FAS: variants seen among roughly 807,000 people sequenced by gnomAD.
The protein encoded by FAS is tumor necrosis factor receptor superfamily member 6.
In FAS, 5 loss-of-function variants were observed where a neutral mutation model predicts 33.2. The observed-to-expected ratio is 0.15, with a 90% CI of 0.08 to 0.32. The LOEUF (loss-of-function observed/expected upper bound fraction) is 0.32. Ranked by LOEUF, FAS falls within the 10% of genes least tolerant of loss-of-function variation. The pLI, the probability that FAS is intolerant of heterozygous loss-of-function variation, is 1.00. For synonymous variants in FAS, 131 were observed against 130.7 expected (o/e 1.00, Z -0.01); for missense variants, 339 against 386.0 (o/e 0.88, Z 1.02).
intron 1 of FAS, among the ~76,000 whole-genome samples, chr10:88,972,456 A>G (rs953457234): frequency 3.3e-5 from 5 of 152,124 alleles, no homozygotes; most frequent in African/African-American, 1.2e-4. Flanking sequence ...TATTTGATAC[A>G]GTTCGATTTA....
chr10:89,002,757 G>A (rs2133468292), intron 1 of FAS: 1 of 448,326 alleles, frequency 2.2e-6, no homozygotes, highest in East Asian at 4.3e-5. Context: ...ACAAACACAG[G>A]GCAGTAAGTG....
chr10:89,002,700 TTATAGA>T (rs1440852713), intron 1 of FAS: 6 of 358,112 alleles, frequency 1.7e-5, no homozygotes, highest in Non-Finnish European at 2.7e-5. Context: ...TTATTTCCAC[TTATAGA>T]TAAAGAAACT....
rs1848721403 is a variant in FAS at position 89,014,890 on chromosome 10, AT to A, written c.*442del. On this transcript the variant is annotated 3_prime_UTR_variant, in exon 9 of 9. Transcript: ENST00000652046. ...AACAGGCAGGCCACTTTGCCTCTAAATTACCTCTGATAATTCTAGAGATTTT... is the reference window on the plus strand; with the variant it reads ...AACAGGCAGGCCACTTTGCCTCTAAATACCTCTGATAATTCTAGAGATTTT... The A allele has an allele frequency of 5.6e-6, 3 of 535,970 alleles. No individual in the cohort carries two copies. Among genetic ancestry groups the A allele is most frequent in the Admixed American group, 4.4e-5 (2 of 45,060 alleles). 33.2% of individuals were successfully genotyped at this position (535,970 alleles called of 1,614,324 possible). A position where few individuals can be genotyped will look rare whatever the true frequency, so the allele number is the denominator to read the frequency against.
In FAS at chr10:89,013,377, T is replaced by C; in HGVS notation, c.676+10T>C. The C allele has an allele frequency of 6.2e-7, 1 of 1,611,506 alleles. No homozygotes were observed. Among genetic ancestry groups the C allele is most frequent in the Non-Finnish European group, 8.5e-7 (1 of 1,178,612 alleles). On this transcript the variant is annotated intron_variant, in intron 8 of 8. Transcript: ENST00000652046. ...GCAATAAATTTATCTGGTAAGGCTT[T>C]TATCATTTTATTTCATAGAGATGGC...
chr10:88,999,886 A>G (rs1847830415), intron 1 of FAS, among the ~76,000 whole-genome samples: 1 of 152,252 alleles, frequency 6.6e-6, no homozygotes, highest in Admixed American at 6.5e-5. Context: ...TTAAGAAAAA[A>G]TAAACCAAGA....
rs1450417581 is a variant in FAS at position 88,990,947 on chromosome 10, A to G, written c.30+41A>G. The G allele has an allele frequency of 1.2e-6, 2 of 1,613,966 alleles. No individual in the cohort carries two copies. The highest frequency in any genetic ancestry group is 1.7e-4 in the Middle Eastern group (1 of 6,058). On this transcript the variant is annotated intron_variant, in intron 1 of 8. Coordinates refer to ENST00000652046, the MANE Select transcript of FAS (RefSeq NM_000043.6). This position sits in a 1 kb window ranked among gnomAD's most constrained non-coding sequence, Gnocchi z 4.9. The stretch of plus-strand genomic sequence containing the variant: ...CCCGGGTGGAGGCTTACCCCGTCTT[A>G]GTCCCGGGGATAGGCAAAGTGGGGC...
chr10:88,987,101 AATT>A (rs2133366690), upstream of FAS, among the ~76,000 whole-genome samples: 1 of 152,342 alleles, frequency 6.6e-6, no homozygotes, highest in East Asian at 1.9e-4. Context: ...TGGTAGAAAT[AATT>A]ATTAATAGAC....
intron 1 of FAS, among the ~76,000 whole-genome samples, chr10:88,968,843 T>C (rs1846369873): frequency 2.0e-5 from 3 of 152,340 alleles, no homozygotes; most frequent in South Asian, 4.1e-4. Context: ...TATACCTTAT[T>C]CATCCCTTTT....
Position 89,013,358 on chromosome 10 carries a change from A to C in FAS, c.667A>C (p.Asn223His), listed in dbSNP as rs143318339. 1.9e-4 allele frequency: 311 copies of C among 1,612,028 alleles called. No individual in the cohort carries two copies. Among genetic ancestry groups the C allele is most frequent in the Non-Finnish European group, 2.4e-4 (282 of 1,179,020 alleles). The change falls in exon 8 of 9, where the codon AAT becomes CAT. Residue 223 changes from asparagine (N) to histidine (H), a missense_variant. Around this residue, in one of 3 missense-constraint regions of FAS, gnomAD observed 276 missense variants for 300.1 expected, o/e 0.92. Transcript: ENST00000652046. ...PTLNPETVAI[N>H]LSDVDLSKYI... Reference sequence around the variant, plus strand: ...TGCTTTCTAGGAAACAGTGGCAATAAATTTATCTGGTAAGGCTTTTATCAT... The same window carrying C: ...TGCTTTCTAGGAAACAGTGGCAATACATTTATCTGGTAAGGCTTTTATCAT...
chr10:88,991,867 G>A (rs188582709), intron 1 of FAS, among the ~76,000 whole-genome samples: 2 of 152,298 alleles, frequency 1.3e-5, no homozygotes, highest in East Asian at 1.9e-4. Context: ...TCAAAGAGAC[G>A]TGGATCCAGG....
At chr10:88,991,398 A>G in intron 1 of FAS, 1 of 291,158 alleles carries the variant, frequency 3.4e-6, no homozygotes, top group Non-Finnish European at 6.7e-6. Flanking sequence ...GAGAGCCTGC[A>G]GCCTTCAGAA....
At chr10:88,993,437 C>T (rs1171082593) in intron 1 of FAS, among the ~76,000 whole-genome samples, 1 of 152,078 alleles carries the variant, frequency 6.6e-6, no homozygotes, top group Non-Finnish European at 1.5e-5. Context: ...CATTTGAATT[C>T]CGAAGCCTCT....
chr10:89,007,585 C>T, intron 2 of FAS, 115 bp from the exon 3 acceptor site: 3 of 1,313,988 alleles, frequency 2.3e-6, no homozygotes, highest in Non-Finnish European at 3.2e-6. Flanking sequence ...CATTAGCCTA[C>T]CCCCCCTCCC....
chr10:88,980,904 G>C (rs1002000890), intron 2 of FAS, among the ~76,000 whole-genome samples: 13 of 152,174 alleles, frequency 8.5e-5, no homozygotes, highest in African/African-American at 2.9e-4. Context: ...CTCCTCAAAA[G>C]TGCTGAGAAA....
In FAS at chr10:89,014,133, A is replaced by G; in HGVS notation, c.691A>G (p.Lys231Glu). ...AINLSDVDLS[K>E]YITTIAGVMT... ...CTATTTTTCAGATGTTGACTTGAGT[A>G]AATATATCACCACTATTGCTGGAGT... is the stretch of plus-strand genomic sequence containing the variant. Residue 231 changes from lysine (K) to glutamate (E), a missense_variant, in exon 9 of 9, where the codon AAA becomes GAA. Physicochemically the swap from Lys to Glu is moderately conservative, Grantham distance 56. Coordinates refer to ENST00000652046, the MANE Select transcript of FAS (RefSeq NM_000043.6). 1 of 1,613,634 alleles carries G rather than the reference A, an allele frequency of 6.2e-7. No homozygotes were observed.
chr10:88,990,279 G>C (rs1847082731), upstream of FAS, among the ~76,000 whole-genome samples: 1 of 152,168 alleles, frequency 6.6e-6, no homozygotes, highest in Non-Finnish European at 1.5e-5. The surrounding 1 kb of genome is among the most constrained non-coding windows in gnomAD (Gnocchi z 4.9). Flanking sequence ...GTCTTTCTCT[G>C]AGTGACTCCA....
rs1183063280 is a variant in FAS at position 89,014,887 on chromosome 10, T to C, written c.*437T>C. 3.7e-6 allele frequency: 2 copies of C among 536,352 alleles called. No homozygotes were observed. The highest frequency in any genetic ancestry group is 1.9e-5 in the African/African-American group (1 of 53,976). 33.2% of individuals were successfully genotyped at this position (536,352 alleles called of 1,614,324 possible). A position where few individuals can be genotyped will look rare whatever the true frequency, so the allele number is the denominator to read the frequency against. ...CTGAACAGGCAGGCCACTTTGCCTC[T>C]AAATTACCTCTGATAATTCTAGAGA... On this transcript the variant is annotated 3_prime_UTR_variant, in exon 9 of 9. Coordinates refer to ENST00000652046, the MANE Select transcript of FAS (RefSeq NM_000043.6).
At chr10:88,989,498 C>T (rs754023764), upstream of FAS, 40 of 544,292 alleles carry the variant, frequency 7.3e-5, no homozygotes, top group East Asian at 6.8e-4. Context: ...AAGGCTGGCA[C>T]GCCCAGGGTC....
At chr10:88,982,799 A>G (rs1254527133), upstream of FAS, among the ~76,000 whole-genome samples, 1 of 152,220 alleles carries the variant, frequency 6.6e-6, no homozygotes, top group African/African-American at 2.4e-5. Context: ...TAATGAGATT[A>G]CTGAATTTGT....
Sources: allele counts gnomAD v4.1 joint callset (sites outside exome capture counted in the v4.1 genomes callset), GRCh38; gene constraint gnomAD v4.1.1; regional missense constraint gnomAD v4.1.1; non-coding constraint Gnocchi (gnomAD v3.1); transcripts MANE v1.5; gene names NCBI Gene and HGNC (gene_info 2026-07-23, HGNC 2026-07-21).